Variants in USH2A observed in about 807,000 individuals in gnomAD.
USH2A encodes usherin.
Under a neutral mutation model 538.9 loss-of-function variants are expected in USH2A, and 443 were observed. That is an observed-to-expected ratio of 0.82 (90% CI 0.76 to 0.89). The LOEUF is 0.89. Ranked by LOEUF, USH2A falls within the 40% of genes least tolerant of loss-of-function variation. The pLI is 0.00. For synonymous variants in USH2A, 2,413 were observed against 2,273.5 expected (o/e 1.06, Z -1.75); for missense variants, 6,633 against 6,324.8 (o/e 1.05, Z -1.65).
In USH2A at chr1:216,083,590, T is replaced by C; in HGVS notation, c.5168-4A>G. ...TATGGATGAAGTTCCAGGAACCCTT[T>C]AAAGATAAAAATATGTACATATTAG... On this transcript the variant is annotated splice_region_variant and splice_polypyrimidine_tract_variant and intron_variant, in intron 25 of 71. Transcript: ENST00000307340. The C allele has an allele frequency of 2.5e-6, 4 of 1,611,570 alleles. No homozygotes were observed. The highest frequency in any genetic ancestry group is 3.4e-6 in the Non-Finnish European group (4 of 1,178,646).
At chr1:215,929,848 T>C (rs1396642287) in intron 38 of USH2A, among the ~76,000 whole-genome samples, 1 of 152,046 alleles carries the variant, frequency 6.6e-6, no homozygotes, top group Non-Finnish European at 1.5e-5. Flanking sequence ...TCTATGCTTT[T>C]GCGATGTGCC....
chr1:216,150,509 C>A (rs1168780255), intron 21 of USH2A, among the ~76,000 whole-genome samples: 1 of 152,082 alleles, frequency 6.6e-6, no homozygotes, highest in Non-Finnish European at 1.5e-5. Context: ...TCCCTTTCTT[C>A]CAGTGCCTAC....
chr1:215,639,066 T>TCCAGCTAA, intron 69 of USH2A, 89 bp downstream of exon 69: 1 of 1,225,456 alleles, frequency 8.2e-7, no homozygotes, highest in South Asian at 1.2e-5. Context: ...GCTAATATAT[T>TCCAGCTAA]AGGACTCCAA....
At chr1:216,281,323 A>G (rs1340817047) in intron 11 of USH2A, among the ~76,000 whole-genome samples, 2 of 152,164 alleles carry the variant, frequency 1.3e-5, no homozygotes, top group African/African-American at 4.8e-5. Context: ...TCTGACTATA[A>G]AAGTTATAAA....
rs867447907 is a variant in USH2A at position 215,658,505 on chromosome 1, G to A, written c.14134-7704C>T. 4.6e-5 allele frequency among the ~76,000 whole-genome samples: 7 copies of A among 152,250 alleles called. 1 individual carries two copies. The South Asian group carries it at 1.5e-3, about 32-fold the overall frequency. ...TGCAACTTGGTAAGTGGTAAGGCTG[G>A]CTTTCCAATACAGATATGTGACATA... On this transcript the variant is annotated intron_variant, in intron 64 of 71. Coordinates refer to ENST00000307340, the MANE Select transcript of USH2A (RefSeq NM_206933.4).
At chr1:216,026,538 T>C (rs1263698564) in intron 32 of USH2A, among the ~76,000 whole-genome samples, 1 of 152,180 alleles carries the variant, frequency 6.6e-6, no homozygotes, top group Non-Finnish European at 1.5e-5. Context: ...ACTGTGTCTC[T>C]GAACATCCTT....
At chr1:215,948,435 T>TAC (rs71658026) in intron 37 of USH2A, among the ~76,000 whole-genome samples, 47 of 146,092 alleles carry the variant, frequency 3.2e-4, no homozygotes, top group African/African-American at 1.1e-3. Flanking sequence ...GATATATATA[T>TAC]ATATATATAC....
At chr1:216,025,554 A>G (rs745923331) in intron 32 of USH2A, among the ~76,000 whole-genome samples, 10 of 152,092 alleles carry the variant, frequency 6.6e-5, no homozygotes, top group South Asian at 2.1e-4. Context: ...TTAAAACCAC[A>G]TAGTATGAAA....
intron 21 of USH2A, among the ~76,000 whole-genome samples, chr1:216,099,845 T>A (rs2032535333): frequency 6.6e-6 from 1 of 152,144 alleles, no homozygotes; most frequent in Admixed American, 6.6e-5. Context: ...ATACTGAACT[T>A]ATGATGCAGA....
chr1:215,857,649 A>G (rs914505382), intron 44 of USH2A, among the ~76,000 whole-genome samples: 17 of 152,216 alleles, frequency 1.1e-4, no homozygotes, highest in African/African-American at 3.6e-4. Flanking sequence ...CAGCATTAGC[A>G]CAATCTGAGG....
chr1:215,782,636 G>C lies in USH2A; in HGVS notation c.10585+102C>G, dbSNP rs1571682013. ...CCCTTTATCGGAACATACTTTTCTA[G>C]TGGTTAGATGCATAGGGCAATTAAA... is the stretch of plus-strand genomic sequence containing the variant. On this transcript the variant is annotated intron_variant, in intron 53 of 71. Coordinates refer to ENST00000307340, the MANE Select transcript of USH2A (RefSeq NM_206933.4). The C allele has an allele frequency of 1.4e-5, 17 of 1,208,862 alleles. No individual in the cohort carries two copies. In the East Asian group the frequency reaches 4.2e-4, roughly 30 times the overall value. 74.9% of individuals were successfully genotyped at this position (1,208,862 alleles called of 1,614,324 possible). A position where few individuals can be genotyped will look rare whatever the true frequency, so the allele number is the denominator to read the frequency against.
At chr1:215,954,566 G>A (rs1332574660) in intron 37 of USH2A, among the ~76,000 whole-genome samples, 1 of 117,936 alleles carries the variant, frequency 8.5e-6, no homozygotes, top group Non-Finnish European at 1.7e-5. Context: ...GCCTGTTGTG[G>A]GGTGGGGGGA....
chr1:216,364,265 T>G (rs1449710327), intron 4 of USH2A, among the ~76,000 whole-genome samples: 1 of 152,104 alleles, frequency 6.6e-6, no homozygotes, highest in Non-Finnish European at 1.5e-5. Flanking sequence ...CATCTAATAC[T>G]TCGTAGTTCT....
At chr1:216,405,892 G>A (rs561451148) in intron 3 of USH2A, among the ~76,000 whole-genome samples, 10 of 152,244 alleles carry the variant, frequency 6.6e-5, no homozygotes, top group East Asian at 3.9e-4. Flanking sequence ...GAATCCCCAC[G>A]GAATTATGTT....
intron 32 of USH2A, among the ~76,000 whole-genome samples, chr1:216,006,320 G>T (rs114496648): frequency 1.6e-4 from 24 of 152,004 alleles, no homozygotes; most frequent in Admixed American, 3.9e-4. Context: ...CTCCTATGCC[G>T]CTACACAATG....
In USH2A at chr1:215,711,103, A is replaced by G. The variant is rs60316170; in HGVS notation, c.12066+16927T>C. ...ACAGAAATCAATGGCAGACATATAG[A>G]AGCATATAATCTTTGAATGCCCGCA... On this transcript the variant is annotated intron_variant, in intron 61 of 71. Transcript: ENST00000307340. Among the ~76,000 whole-genome samples the G allele has an allele frequency of 5.3e-5, 8 of 152,316 alleles. No homozygotes were observed. In the East Asian group the frequency reaches 1.5e-3, roughly 29 times the overall value.
At chr1:216,265,304 C>T (rs385463) in intron 11 of USH2A, among the ~76,000 whole-genome samples, 37,199 of 151,482 alleles carry the variant, frequency 0.25, 4,578 homozygotes, top group East Asian at 0.27. Flanking sequence ...ACAATATTAT[C>T]TTTTCCCAGT....
At position 216,198,423 on chromosome 1, in the gene USH2A, T is replaced by C. The variant is rs1224233557; in HGVS notation, c.3973A>G (p.Thr1325Ala). ...NALKPPQTMT[T>A]ITGLEPYTKY... ...GTGTATGGCTCCAAGCCAGTGATGG[T>C]TGTCATTGTTTGAGGAGGTTTTAAT... Residue 1325 changes from threonine (T) to alanine (A), a missense_variant, in exon 18 of 72, where the codon ACC (threonine) becomes GCC (alanine). Transcript: ENST00000307340. 4 of 1,613,988 alleles carry C rather than the reference T, an allele frequency of 2.5e-6. No homozygotes were observed. Among genetic ancestry groups the C allele is most frequent in the South Asian group, 1.1e-5 (1 of 91,076 alleles).
chr1:215,675,670 T>A (rs990919176), intron 62 of USH2A, 54 bp from the exon 63 acceptor site: 1 of 1,613,244 alleles, frequency 6.2e-7, no homozygotes, highest in Non-Finnish European at 8.5e-7. Flanking sequence ...TTTCTTTGTG[T>A]AGTTACTTAG....
Sources: allele counts gnomAD v4.1 joint callset (sites outside exome capture counted in the v4.1 genomes callset), GRCh38; gene constraint gnomAD v4.1.1; transcripts MANE v1.5; gene names NCBI Gene and HGNC (gene_info 2026-07-23, HGNC 2026-07-21).